MYPN: variants seen among roughly 807,000 people sequenced by gnomAD.
MYPN encodes sarcomeric protein myopalladin, 145 kDa (MYOP).
MYPN carries 63 observed loss-of-function variants against 129.4 expected under a neutral mutation model. The ratio of observed to expected loss-of-function variants is 0.49; its 90% CI spans 0.40 to 0.60. MYPN has a LOEUF of 0.60. MYPN is among the 20% of genes least tolerant of loss of function. The pLI, the probability that MYPN is intolerant of heterozygous loss-of-function variation, is 0.00. For missense variants in MYPN, 1,596 were observed against 1,635.4 expected, an observed-to-expected ratio of 0.98 and a Z score of 0.42; for synonymous variants, 629 against 600.9, an observed-to-expected ratio of 1.05 and a Z score of -0.68.
chr10:68,180,931 G>T (rs2043304351), intron 12 of MYPN, among the ~76,000 whole-genome samples: 1 of 152,140 alleles, frequency 6.6e-6, no homozygotes, highest in African/African-American at 2.4e-5. Flanking sequence ...TAAAAAAATG[G>T]TTATATTTTC....
chr10:68,199,478 C>T lies in MYPN; in HGVS notation c.3396C>T (p.Leu1132=), dbSNP rs757703629. The stretch of plus-strand genomic sequence containing the variant: ...GGGAGACCGGAGTCCACTCTCTGCT[C>T]ATTGACCCACTCACTCAGCGCGACG... ...LVRETGVHSL[L]IDPLTQRDAG... is the part of the protein sequence containing the mutation. The change falls in exon 17 of 20, where the codon CTC becomes CTT. Residue 1132 remains leucine, a synonymous_variant. Coordinates refer to ENST00000358913, the MANE Select transcript of MYPN (RefSeq NM_032578.4). The T allele has an allele frequency of 1.2e-6, 2 of 1,614,192 alleles. No homozygotes were observed. Among genetic ancestry groups the T allele is most frequent in the Non-Finnish European group, 8.5e-7 (1 of 1,180,028 alleles).
At chr10:68,199,013 A>G (rs550954134) in intron 16 of MYPN, among the ~76,000 whole-genome samples, 2 of 152,192 alleles carry the variant, frequency 1.3e-5, no homozygotes, top group South Asian at 2.1e-4. Context: ...TAGAAAAAAA[A>G]TCTGGCTTTT....
chr10:68,182,015 C>T (rs1412649756), intron 12 of MYPN, among the ~76,000 whole-genome samples: 2 of 151,954 alleles, frequency 1.3e-5, no homozygotes, highest in Non-Finnish European at 2.9e-5. Context: ...TCCCTCCTGA[C>T]TCTTGAGTCT....
intron 7 of MYPN, among the ~76,000 whole-genome samples, chr10:68,161,158 A>G (rs148027831): frequency 6.6e-6 from 1 of 152,294 alleles, no homozygotes; most frequent in African/African-American, 2.4e-5. Flanking sequence ...TATGTATCCC[A>G]AGTGAAACCC....
At position 68,210,545 on chromosome 10, in the gene MYPN, T is replaced by C; in HGVS notation, c.*90T>C. The C allele has an allele frequency of 6.7e-7, 1 of 1,501,034 alleles. No homozygotes were observed. Among genetic ancestry groups the C allele is most frequent in the East Asian group, 2.3e-5 (1 of 44,380 alleles). The allele number at this position is 1,501,034 out of a possible 1,614,324, so 93.0% of individuals were successfully genotyped here. A position where few individuals can be genotyped will look rare whatever the true frequency, so the allele number is the denominator to read the frequency against. ...TTGGTGGTTTCCAAGCAACCGAAGT[T>C]GAGTAAGTTCCCACACTGCTGGACC... is the stretch of plus-strand genomic sequence containing the variant. On this transcript the variant is annotated 3_prime_UTR_variant, in exon 20 of 20. Coordinates refer to ENST00000358913, the MANE Select transcript of MYPN (RefSeq NM_032578.4).
chr10:68,091,453 G>A (rs1349927316), intron 1 of MYPN, among the ~76,000 whole-genome samples: 2 of 125,396 alleles, frequency 1.6e-5, no homozygotes, highest in African/African-American at 6.2e-5. Context: ...GGAGTGTGTT[G>A]GTGCAATCTC....
At chr10:68,091,311 C>T (rs1336323747) in intron 1 of MYPN, among the ~76,000 whole-genome samples, 1 of 151,432 alleles carries the variant, frequency 6.6e-6, no homozygotes, top group East Asian at 1.9e-4. Context: ...CATTCTATTA[C>T]CTCTTAAGAT....
At chr10:68,111,726 G>T (rs974762040) in intron 1 of MYPN, among the ~76,000 whole-genome samples, 1 of 152,330 alleles carries the variant, frequency 6.6e-6, no homozygotes, top group African/African-American at 2.4e-5. Context: ...CAGAGTTCAT[G>T]TATAACCAGA....
At chr10:68,114,144 G>GT (rs903986718) in intron 1 of MYPN, 9 of 152,068 alleles carry the variant, frequency 5.9e-5, no homozygotes, top group Non-Finnish European at 1.0e-4. Context: ...CTTCATACTA[G>GT]TTTTTGCCAA....
chr10:68,097,127 C>T (rs1027886213), intron 1 of MYPN, among the ~76,000 whole-genome samples: 3 of 152,170 alleles, frequency 2.0e-5, no homozygotes, highest in African/African-American at 7.2e-5. Context: ...GGTTCAGGAA[C>T]ATGGTAACTA....
chr10:68,123,306 G>C (rs1233250153), intron 2 of MYPN, among the ~76,000 whole-genome samples: 1 of 152,014 alleles, frequency 6.6e-6, no homozygotes, highest in Non-Finnish European at 1.5e-5. Context: ...TTGAACTTGG[G>C]AGGCAGAGGT....
At chr10:68,169,513 A>G (rs569103484) in intron 10 of MYPN, among the ~76,000 whole-genome samples, 1 of 152,250 alleles carries the variant, frequency 6.6e-6, no homozygotes, top group Non-Finnish European at 1.5e-5. Flanking sequence ...CAGGGTTTAA[A>G]TACTTGAGGG....
chr10:68,129,172 CT>C (rs1352966244), intron 2 of MYPN, among the ~76,000 whole-genome samples: 49 of 152,214 alleles, frequency 3.2e-4, no homozygotes, highest in African/African-American at 1.2e-3. Flanking sequence ...ATCAGGATGT[CT>C]AGGGAAGAGG....
chr10:68,141,172 C>A (rs1443960871), intron 2 of MYPN, among the ~76,000 whole-genome samples: 1 of 152,174 alleles, frequency 6.6e-6, no homozygotes, highest in Admixed American at 6.5e-5. Context: ...AGATCAAGAC[C>A]ATTCTGGTCA....
At chr10:68,142,817 T>C (rs1589549868) in intron 2 of MYPN, 123 bp from the exon 3 acceptor site, 14 of 927,208 alleles carry the variant, frequency 1.5e-5, no homozygotes, top group Non-Finnish European at 2.3e-5. Context: ...GTTATAATGA[T>C]GGAGTTTTTT....
At chr10:68,174,964 C>T (rs1191394215) in intron 11 of MYPN, among the ~76,000 whole-genome samples, 1 of 151,896 alleles carries the variant, frequency 6.6e-6, no homozygotes, top group Non-Finnish European at 1.5e-5. Flanking sequence ...GTGAAACCCC[C>T]GTCTCTAGGA....
At chr10:68,145,780 G>A (rs1014905333) in intron 4 of MYPN, among the ~76,000 whole-genome samples, 1 of 152,184 alleles carries the variant, frequency 6.6e-6, no homozygotes, top group South Asian at 2.1e-4. Flanking sequence ...CTCCTTAAGG[G>A]CAGAAATCCT....
intron 12 of MYPN, among the ~76,000 whole-genome samples, chr10:68,188,113 C>A (rs2043450116): frequency 6.6e-6 from 1 of 151,882 alleles, no homozygotes; most frequent in African/African-American, 2.4e-5. Context: ...TTTTCTTTTT[C>A]TTTTCTTTTT....
At chr10:68,155,616 A>G (rs907624555) in intron 6 of MYPN, among the ~76,000 whole-genome samples, 3 of 152,244 alleles carry the variant, frequency 2.0e-5, no homozygotes, top group Non-Finnish European at 4.4e-5. Context: ...CAACAGCCTA[A>G]GACCTACTGT....
Sources: gnomAD v4.1 joint callset for allele counts (sites outside exome capture counted in the v4.1 genomes callset) on GRCh38, gnomAD v4.1.1 for gene constraint, MANE v1.5 for transcripts, NCBI Gene and HGNC (gene_info 2026-07-23, HGNC 2026-07-21) for gene names.